The following PUM2 variants were observed in gnomAD, a reference collection of about 807,000 sequenced individuals.
PUM2 encodes the protein pumilio RNA binding family member 2.
PUM2 carries 57 observed loss-of-function variants against 124.5 expected under a neutral mutation model. That is an observed-to-expected ratio of 0.46 (90% CI 0.37 to 0.57). PUM2 has a LOEUF of 0.57. Ranked by LOEUF, PUM2 falls within the 20% of genes least tolerant of loss-of-function variation. The pLI is 0.00. For missense variants in PUM2, 1,065 were observed against 1,290.6 expected (o/e 0.83, Z 2.68); for synonymous variants, 460 against 446.1 (o/e 1.03, Z -0.39).
chr2:20,335,952 A>G (rs953306999), intron 1 of PUM2, among the ~76,000 whole-genome samples: 1 of 152,232 alleles, frequency 6.6e-6, no homozygotes, highest in South Asian at 2.1e-4. Context: ...TTCTCCTCTT[A>G]TAAGGCATCC....
At chr2:20,348,533 G>C (rs550731937) in intron 1 of PUM2, among the ~76,000 whole-genome samples, 1 of 152,292 alleles carries the variant, frequency 6.6e-6, no homozygotes, top group African/African-American at 2.4e-5. Context: ...TGAGAAAATT[G>C]GCTGTGGATT....
chr2:20,321,763 C>T lies in PUM2; in HGVS notation c.52-3118G>A, dbSNP rs138905410. 5.8e-3 allele frequency among the ~76,000 whole-genome samples: 880 copies of T among 152,120 alleles called. 11 individuals are homozygous for T. The highest frequency in any genetic ancestry group is 0.033 in the South Asian group (157 of 4,820). On this transcript the variant is annotated intron_variant, in intron 2 of 20. Transcript: ENST00000361078. ...ATTACAGAAAACAAAATTAAGAAACCGTTAAGATCTATAAAATATGTTATC... is the reference window on the plus strand; with the variant it reads ...ATTACAGAAAACAAAATTAAGAAACTGTTAAGATCTATAAAATATGTTATC...
upstream of PUM2, among the ~76,000 whole-genome samples, chr2:20,351,371 G>C (rs991967605): frequency 2.0e-5 from 3 of 152,184 alleles, no homozygotes; most frequent in Non-Finnish European, 4.4e-5. Flanking sequence ...ATCTGGGGGT[G>C]GAAGATTGTA....
rs200294801 is a variant in PUM2, at chr2:20,261,394, C to CAAAAAAAAAAAAAAAA, written c.2226-944_2226-929dup. 9.0e-4 allele frequency among the ~76,000 whole-genome samples: 69 copies of CAAAAAAAAAAAAAAAA among 76,750 alleles called. 12 individuals carry two copies. The highest frequency in any genetic ancestry group is 1.2e-3 in the Non-Finnish European group (44 of 36,886). 50.4% of individuals were successfully genotyped at this position (76,750 alleles called of 152,430 possible). A position where few individuals can be genotyped will look rare whatever the true frequency, so the allele number is the denominator to read the frequency against. Reference sequence around the variant, plus strand: ...AAGCGACAGAGTGAGACTCTGTCTCCAAAAAAAAAAAAAAAAAAAAAAAAA... The same window carrying CAAAAAAAAAAAAAAAA: ...AAGCGACAGAGTGAGACTCTGTCTCCAAAAAAAAAAAAAAAAAAAAAAAAAAAAAAAAAAAAAAAAA... On this transcript the variant is annotated intron_variant, in intron 14 of 20. Coordinates refer to ENST00000361078, the MANE Select transcript of PUM2 (RefSeq NM_015317.5).
At chr2:20,299,111 T>C (rs1056737856) in intron 7 of PUM2, among the ~76,000 whole-genome samples, 1 of 152,138 alleles carries the variant, frequency 6.6e-6, no homozygotes, top group African/African-American at 2.4e-5. Flanking sequence ...AAAGAGGGGC[T>C]TGTGGGAACT....
At chr2:20,337,581 CAGAA>C (rs564766319) in intron 1 of PUM2, among the ~76,000 whole-genome samples, 130 of 152,238 alleles carry the variant, frequency 8.5e-4, no homozygotes, top group Middle Eastern at 6.8e-3. Flanking sequence ...AGCAGTCTGA[CAGAA>C]AGCCACATAA....
At chr2:20,318,465 A>G (rs1681528789) in intron 3 of PUM2, 72 bp downstream of exon 3, 2 of 1,367,406 alleles carry the variant, frequency 1.5e-6, no homozygotes, top group African/African-American at 2.9e-5. Flanking sequence ...CTCACTCTAA[A>G]AAAAAAGGTG....
intron 13 of PUM2, among the ~76,000 whole-genome samples, chr2:20,274,416 A>G (rs1189545683): frequency 6.6e-6 from 1 of 152,194 alleles, no homozygotes; most frequent in Non-Finnish European, 1.5e-5. Flanking sequence ...TTATCATAAG[A>G]GAAGCACAAG....
chr2:20,342,978 T>C (rs1260468218), intron 1 of PUM2, among the ~76,000 whole-genome samples: 1 of 152,170 alleles, frequency 6.6e-6, no homozygotes, highest in African/African-American at 2.4e-5. Context: ...TATATATTTA[T>C]AGACAGGGTC....
rs150666929 is a variant in PUM2, at chr2:20,252,501, A to G, written c.3064-785T>C. 9.5e-4 allele frequency among the ~76,000 whole-genome samples: 144 copies of G among 152,344 alleles called. 3 individuals are homozygous for G. Among genetic ancestry groups the G allele is most frequent in the African/African-American group, 3.2e-3 (131 of 41,582 alleles). On this transcript the variant is annotated intron_variant, in intron 20 of 20. Coordinates refer to ENST00000361078, the MANE Select transcript of PUM2 (RefSeq NM_015317.5). ...TTTTACAGATGGAAGGAATCCTAAG[A>G]TATCATTTTTCTCTCTATATGAGGA...
At chr2:20,332,491 A>G (rs1179195334) in intron 1 of PUM2, among the ~76,000 whole-genome samples, 1 of 151,988 alleles carries the variant, frequency 6.6e-6, no homozygotes, top group Non-Finnish European at 1.5e-5. Context: ...TTCAATTACG[A>G]GAAAGAGAAT....
At position 20,249,044 on chromosome 2, in the gene PUM2, T is replaced by C. The variant is rs954671196; in HGVS notation, c.*2541A>G. ...AAATTTCTACAAGAACAGGTACTTT[T>C]GTAGAGCAGGCCTGAAAGTATTGGG... On this transcript the variant is annotated 3_prime_UTR_variant, in exon 21 of 21. Transcript: ENST00000361078. 3.3e-5 allele frequency: 5 copies of C among 152,214 alleles called. No individual in the cohort carries two copies. The highest frequency in any genetic ancestry group is 1.2e-4 in the African/African-American group (5 of 41,444). The allele number at this position is 152,214 out of a possible 1,614,324, so 9.4% of individuals were successfully genotyped here.
At chr2:20,284,208 G>C (rs1435781733) in intron 10 of PUM2, among the ~76,000 whole-genome samples, 3 of 152,182 alleles carry the variant, frequency 2.0e-5, no homozygotes, top group African/African-American at 7.2e-5. Context: ...AATCACAGGA[G>C]AGAAGTTAGC....
At chr2:20,301,251 C>T (rs752319820) in intron 7 of PUM2, among the ~76,000 whole-genome samples, 16 of 152,140 alleles carry the variant, frequency 1.1e-4, no homozygotes, top group Non-Finnish European at 1.9e-4. Context: ...AGACCTGTCT[C>T]GGTTATCTTT....
Position 20,253,883 on chromosome 2 carries a change from T to C in PUM2, c.3002A>G (p.Tyr1001Cys). 6.2e-7 allele frequency: 1 copy of C among 1,614,070 alleles called. No homozygotes were observed. The highest frequency in any genetic ancestry group is 8.5e-7 in the Non-Finnish European group (1 of 1,179,920). ...YTMMKDQYANYVVQKMIDMAE... is the reference protein window; with the variant it reads ...YTMMKDQYANCVVQKMIDMAE... The stretch of plus-strand genomic sequence containing the variant: ...CATATCAATCATCTTTTGAACCACG[T>C]AATTGGCATACTGGTCCTTCATCAT... Residue 1001 changes from tyrosine (Y) to cysteine (C), a missense_variant, in exon 20 of 21, where the codon TAC becomes TGC. By Grantham distance (194) the Tyr-to-Cys change is radical. Transcript: ENST00000361078.
chr2:20,280,173 A>C (rs1488152722), intron 12 of PUM2, among the ~76,000 whole-genome samples: 2 of 152,074 alleles, frequency 1.3e-5, no homozygotes, highest in Non-Finnish European at 2.9e-5. Context: ...CCAAATTCAA[A>C]ATTCTATAAA....
chr2:20,316,630 G>C (rs553137683), intron 3 of PUM2, among the ~76,000 whole-genome samples: 2 of 152,140 alleles, frequency 1.3e-5, no homozygotes, highest in Non-Finnish European at 2.9e-5. Context: ...ACTATGGGCC[G>C]AACAAGGTGG....
At chr2:20,349,061 CAAAG>C (rs1413900854) in intron 1 of PUM2, among the ~76,000 whole-genome samples, 9 of 152,258 alleles carry the variant, frequency 5.9e-5, no homozygotes, top group African/African-American at 2.2e-4. Context: ...TTTGTAAGAG[CAAAG>C]TAAATGTCAG....
At chr2:20,268,043 G>A (rs1043369526) in intron 13 of PUM2, among the ~76,000 whole-genome samples, 3 of 152,160 alleles carry the variant, frequency 2.0e-5, no homozygotes, top group African/African-American at 4.8e-5. Context: ...GGGGGAGACC[G>A]TAAGTGAAAC....
Sources: allele counts gnomAD v4.1 joint callset (sites outside exome capture counted in the v4.1 genomes callset), GRCh38; gene constraint gnomAD v4.1.1; transcripts MANE v1.5; gene names NCBI Gene and HGNC (gene_info 2026-07-23, HGNC 2026-07-21).